The following ZNF395 variants were observed in gnomAD, a reference collection of about 807,000 sequenced individuals.
ZNF395 encodes the protein HD gene regulatory region-binding protein 2.
ZNF395 carries 20 observed loss-of-function variants against 57.7 expected under a neutral mutation model. The observed-to-expected ratio is 0.35, with a 90% confidence interval of 0.24 to 0.50. The LOEUF (loss-of-function observed/expected upper bound fraction) is 0.50, where lower values mean the gene tolerates loss of function less well. Among genes scored for constraint, ZNF395 ranks in the 20% least tolerant of loss-of-function variants. The pLI, the probability that ZNF395 is intolerant of heterozygous loss-of-function variation, is 0.97. For synonymous variants in ZNF395, 295 were observed against 275.9 expected (o/e 1.07, Z -0.69); for missense variants, 606 against 671.2 (o/e 0.90, Z 1.07).
At position 28,359,937 on chromosome 8, in the gene ZNF395, C is replaced by G. The variant is rs1197966785; in HGVS notation, c.241-113G>C. The G allele has an allele frequency of 6.9e-7, 1 of 1,450,516 alleles. No homozygotes were observed. The highest frequency in any genetic ancestry group is 9.2e-7 in the Non-Finnish European group (1 of 1,092,064). 89.9% of individuals were successfully genotyped at this position (1,450,516 alleles called of 1,614,324 possible). A position where few individuals can be genotyped will look rare whatever the true frequency, so the allele number is the denominator to read the frequency against. On this transcript the variant is annotated intron_variant, in intron 2 of 9. Transcript: ENST00000344423. The surrounding 1 kb of genome is among the most constrained non-coding windows in gnomAD (Gnocchi z 4.7). ...ATCTGCCTGCCACAAACCATGTTCT[C>G]TGCCTCACTCATCTTTTATTCAAGC...
At chr8:28,350,316 C>A (rs181094038) in intron 7 of ZNF395, among the ~76,000 whole-genome samples, 160 bp from the exon 8 acceptor site, 1 of 152,372 alleles carries the variant, frequency 6.6e-6, no homozygotes, top group East Asian at 1.9e-4. Flanking sequence ...GAGGACAACA[C>A]TGGAGTATCA....
In ZNF395 at chr8:28,356,413, C is replaced by G. The variant is rs1052128863; in HGVS notation, c.583+257G>C. 1.1e-4 allele frequency among the ~76,000 whole-genome samples: 17 copies of G among 152,244 alleles called. No homozygotes were observed. Among genetic ancestry groups the G allele is most frequent in the African/African-American group, 3.9e-4 (16 of 41,458 alleles). Reference sequence around the variant, plus strand: ...CACTCCCATTGAAGAACTTACTCCACTGGCCACTGCAGCTCAGTCCCATGC... The same window carrying G: ...CACTCCCATTGAAGAACTTACTCCAGTGGCCACTGCAGCTCAGTCCCATGC... On this transcript the variant is annotated intron_variant, in intron 4 of 9. Transcript: ENST00000344423. This position sits in a 1 kb window ranked among gnomAD's most constrained non-coding sequence, Gnocchi z 4.0.
chr8:28,384,590 T>C (rs930663792), intron 1 of ZNF395, among the ~76,000 whole-genome samples: 4 of 152,196 alleles, frequency 2.6e-5, no homozygotes, highest in African/African-American at 7.2e-5. Flanking sequence ...ACCTTCTGTC[T>C]CCTCTCTCCC....
chr8:28,362,950 G>A (rs922775339), intron 1 of ZNF395, among the ~76,000 whole-genome samples: 2 of 152,138 alleles, frequency 1.3e-5, no homozygotes, highest in Non-Finnish European at 2.9e-5. Flanking sequence ...GAAAAGGTTG[G>A]AGTCACAGCA....
rs752521658 is a variant in ZNF395 at position 28,359,836 on chromosome 8, G to A, written c.241-12C>T. The stretch of plus-strand genomic sequence containing the variant: ...TACCACACATAAACCTGTGGGAAGA[G>A]GGACAGCAGTTAGTGGTCAGCCCTG... On this transcript the variant is annotated splice_polypyrimidine_tract_variant and intron_variant, in intron 2 of 9. Coordinates refer to ENST00000344423, the MANE Select transcript of ZNF395 (RefSeq NM_018660.3). The surrounding 1 kb of genome is among the most constrained non-coding windows in gnomAD (Gnocchi z 4.7). 1.2e-6 allele frequency: 2 copies of A among 1,610,344 alleles called. No individual in the cohort carries two copies. The highest frequency in any genetic ancestry group is 2.2e-5 in the South Asian group (2 of 90,982).
chr8:28,347,839 TTCA>T lies in ZNF395; in HGVS notation c.*877_*879del, dbSNP rs1231796627. ...AAACAAAGCATTTCTGAGGCGTCCT[TTCA>T]ATAACCGGAGGAAGGCGGCGTCAGG... On this transcript the variant is annotated 3_prime_UTR_variant, in exon 10 of 10. Coordinates refer to ENST00000344423, the MANE Select transcript of ZNF395 (RefSeq NM_018660.3). 1.3e-5 allele frequency: 2 copies of T among 152,220 alleles called. No individual in the cohort carries two copies. Among genetic ancestry groups the T allele is most frequent in the African/African-American group, 4.8e-5 (2 of 41,458 alleles). The allele number at this position is 152,220 out of a possible 1,614,324, so 9.4% of individuals were successfully genotyped here.
chr8:28,362,014 C>T (rs1801855842), intron 1 of ZNF395, among the ~76,000 whole-genome samples: 1 of 151,830 alleles, frequency 6.6e-6, no homozygotes, highest in South Asian at 2.1e-4. Flanking sequence ...TTGCTTGAAC[C>T]CAGGAGGCGG....
rs1019937250 is a variant in ZNF395, at chr8:28,347,468, G to T, written c.*1251C>A. On this transcript the variant is annotated 3_prime_UTR_variant, in exon 10 of 10. Transcript: ENST00000344423. ...CTGGTTGGCATGGTGCTACACTCCC[G>T]AGACCTCCCTCCTTCTCCCCAAGAA... 6.6e-6 allele frequency: 1 copy of T among 152,160 alleles called. No individual in the cohort carries two copies. Among genetic ancestry groups the T allele is most frequent in the African/African-American group, 2.4e-5 (1 of 41,390 alleles). 9.4% of individuals were successfully genotyped at this position (152,160 alleles called of 1,614,324 possible).
intron 9 of ZNF395, 89 bp downstream of exon 9, chr8:28,349,036 G>C: frequency 7.4e-7 from 1 of 1,343,534 alleles, no homozygotes; most frequent in Non-Finnish European, 1.0e-6. Context: ...GACTAACCCT[G>C]GTGACTTCAT....
Position 28,352,725 on chromosome 8 carries a change from G to T in ZNF395, c.820-52C>A. 2 of 1,526,442 alleles carry T rather than the reference G, an allele frequency of 1.3e-6. No homozygotes were observed. Among genetic ancestry groups the T allele is most frequent in the Non-Finnish European group, 1.8e-6 (2 of 1,102,774 alleles). 94.6% of individuals were successfully genotyped at this position (1,526,442 alleles called of 1,614,324 possible). On this transcript the variant is annotated intron_variant, in intron 5 of 9. Transcript: ENST00000344423. The surrounding 1 kb of genome is among the most constrained non-coding windows in gnomAD (Gnocchi z 4.0). ...GGATATGTCTTTCTCCTTATCCCTC[G>T]CTCAACCTTACCCAGTGGGGACTCA... is the stretch of plus-strand genomic sequence containing the variant.
chr8:28,366,660 G>GT (rs373621144), intron 1 of ZNF395, among the ~76,000 whole-genome samples: 12 of 152,128 alleles, frequency 7.9e-5, no homozygotes, highest in African/African-American at 2.7e-4. Flanking sequence ...AAGCATATTT[G>GT]TAAGTATATG....
At chr8:28,375,039 A>G (rs1802023573) in intron 1 of ZNF395, among the ~76,000 whole-genome samples, 1 of 152,168 alleles carries the variant, frequency 6.6e-6, no homozygotes, top group Admixed American at 6.5e-5. Context: ...TGCTTTTTAA[A>G]CAGACACGCA....
chr8:28,375,012 C>G (rs1016948724), intron 1 of ZNF395, among the ~76,000 whole-genome samples: 24 of 152,302 alleles, frequency 1.6e-4, no homozygotes, highest in African/African-American at 5.8e-4. Context: ...CTGGGGACTC[C>G]TAACCACATA....
rs138578357 is a variant in ZNF395 at position 28,359,810 on chromosome 8, G to A, written c.255C>T (p.Tyr85=). The A allele has an allele frequency of 7.4e-6, 12 of 1,613,792 alleles. No individual in the cohort carries two copies. Among genetic ancestry groups the A allele is most frequent in the African/African-American group, 5.3e-5 (4 of 75,020 alleles). The stretch of plus-strand genomic sequence containing the variant: ...CCAGTCCTGTGCACTCTTGACCCCC[G>A]TACCACACATAAACCTGTGGGAAGA... ...FQPGQKVYVW[Y]GGQECTGLVE... Residue 85 remains tyrosine, a synonymous_variant, in exon 3 of 10, where the codon TAC becomes TAT. Coordinates refer to ENST00000344423, the MANE Select transcript of ZNF395 (RefSeq NM_018660.3). The surrounding 1 kb of genome is among the most constrained non-coding windows in gnomAD (Gnocchi z 4.7).
chr8:28,380,960 C>T (rs1471181867), intron 1 of ZNF395, among the ~76,000 whole-genome samples: 3 of 151,886 alleles, frequency 2.0e-5, no homozygotes, highest in Non-Finnish European at 4.4e-5. Flanking sequence ...GCAAGCCTCC[C>T]GCCTCAGCCT....
chr8:28,367,755 C>T (rs1044606144), intron 1 of ZNF395, among the ~76,000 whole-genome samples: 1 of 152,158 alleles, frequency 6.6e-6, no homozygotes, highest in Non-Finnish European at 1.5e-5. Context: ...CTACTGGCAC[C>T]GATGGGACTG....
intron 1 of ZNF395, among the ~76,000 whole-genome samples, chr8:28,377,748 CT>C (rs71549661): frequency 0.051 from 5,114 of 100,624 alleles, 57 homozygotes; most frequent in East Asian, 0.08. Flanking sequence ...GATGATCCCA[CT>C]TTTTTTTTTT....
chr8:28,364,865 T>C (rs1461167070), intron 1 of ZNF395, among the ~76,000 whole-genome samples: 3 of 152,232 alleles, frequency 2.0e-5, no homozygotes, highest in Non-Finnish European at 4.4e-5. Context: ...CACTTGGATC[T>C]TGGCCTCTTA....
At chr8:28,384,414 A>C (rs1802146086) in intron 1 of ZNF395, among the ~76,000 whole-genome samples, 1 of 152,134 alleles carries the variant, frequency 6.6e-6, no homozygotes, top group South Asian at 2.1e-4. Flanking sequence ...AGTCCTGGTG[A>C]CTGATCCCTG....
Sources: allele counts gnomAD v4.1 joint callset (sites outside exome capture counted in the v4.1 genomes callset), GRCh38; gene constraint gnomAD v4.1.1; non-coding constraint Gnocchi (gnomAD v3.1); transcripts MANE v1.5; gene names NCBI Gene and HGNC (gene_info 2026-07-23, HGNC 2026-07-21).